The following RAB3GAP1 variants were observed in gnomAD, a reference collection of about 807,000 sequenced individuals.
The protein encoded by RAB3GAP1 is rab3 GTPase-activating protein catalytic subunit.
In RAB3GAP1, 86 loss-of-function variants were observed where a neutral mutation model predicts 130.7. The observed-to-expected ratio is 0.66, with a 90% CI of 0.55 to 0.79. The LOEUF (loss-of-function observed/expected upper bound fraction) is 0.79, where lower values mean the gene tolerates loss of function less well. Ranked by LOEUF, RAB3GAP1 falls within the 30% of genes least tolerant of loss-of-function variation. The probability of loss-of-function intolerance (pLI) is 0.00; values close to 1 mark genes in which losing one functional copy is unlikely to be tolerated. For missense variants in RAB3GAP1, 1,029 were observed against 1,169.4 expected, an observed-to-expected ratio of 0.88 and a Z score of 1.75; for synonymous variants, 367 against 401.7, an observed-to-expected ratio of 0.91 and a Z score of 1.03.
chr2:135,115,164 G>A (rs1558782925), intron 6 of RAB3GAP1, 52 bp from the exon 7 acceptor site: 27 of 1,530,290 alleles, frequency 1.8e-5, no homozygotes, highest in Non-Finnish European at 2.4e-5. Context: ...TGAGGTTCAG[G>A]TTTAATGTTT....
intron 9 of RAB3GAP1, 93 bp from the exon 10 acceptor site, chr2:135,126,088 A>T (rs949945803): frequency 1.0e-6 from 1 of 964,468 alleles, no homozygotes; most frequent in Admixed American, 1.9e-5. Flanking sequence ...CCACTGTAAC[A>T]TACTTTTATT....
chr2:135,144,842 C>A (rs760149305), intron 17 of RAB3GAP1, among the ~76,000 whole-genome samples: 1 of 152,120 alleles, frequency 6.6e-6, no homozygotes, highest in Admixed American at 6.5e-5. Context: ...GTTGTAAATG[C>A]GGTATTCTCT....
chr2:135,086,973 TTTC>T (rs1344932352), intron 3 of RAB3GAP1, among the ~76,000 whole-genome samples: 5 of 152,132 alleles, frequency 3.3e-5, no homozygotes, highest in Non-Finnish European at 7.4e-5. Flanking sequence ...ACCTAATCGT[TTTC>T]TTAACTGTGT....
At chr2:135,117,663 G>GCTTCTT (rs1553445303) in intron 7 of RAB3GAP1, among the ~76,000 whole-genome samples, 1 of 39,846 alleles carries the variant, frequency 2.5e-5, no homozygotes, top group Non-Finnish European at 8.9e-5. Context: ...TGCTTCTTCT[G>GCTTCTT]CTTCTGCTTC....
At chr2:135,071,204 C>T (rs1433520857) in intron 3 of RAB3GAP1, among the ~76,000 whole-genome samples, 1 of 152,146 alleles carries the variant, frequency 6.6e-6, no homozygotes, top group Non-Finnish European at 1.5e-5. Context: ...GGCCTTGAGG[C>T]CCAGAGCCTC....
At chr2:135,062,611 G>A (rs1016433151) in intron 3 of RAB3GAP1, among the ~76,000 whole-genome samples, 1 of 152,210 alleles carries the variant, frequency 6.6e-6, no homozygotes, top group African/African-American at 2.4e-5. Flanking sequence ...GGTTGAATTT[G>A]TAGATCACTT....
intron 3 of RAB3GAP1, among the ~76,000 whole-genome samples, chr2:135,081,432 G>GTATA (rs1346891298): frequency 7.1e-6 from 1 of 140,146 alleles, no homozygotes; most frequent in Non-Finnish European, 1.5e-5. Context: ...GTGTGTATGT[G>GTATA]TATATATATA....
rs373996708 is a variant in RAB3GAP1 at position 135,105,692 on chromosome 2, A to C, written c.363-7459A>C. 1.2e-4 allele frequency among the ~76,000 whole-genome samples: 17 copies of C among 138,736 alleles called. No homozygotes were observed. In the South Asian group the frequency reaches 1.9e-3, roughly 16 times the overall value. 91.0% of individuals were successfully genotyped at this position (138,736 alleles called of 152,430 possible). ...TGAGGAGCGTCTCTGCCTGGCCGCC[A>C]ATCGTCTGGGATGTGAGGAGCCCCT... On this transcript the variant is annotated intron_variant, in intron 5 of 23. Transcript: ENST00000264158.
intron 3 of RAB3GAP1, among the ~76,000 whole-genome samples, chr2:135,074,501 G>T (rs899514936): frequency 2.6e-5 from 4 of 152,210 alleles, no homozygotes; most frequent in South Asian, 4.1e-4. Flanking sequence ...ACTCTTACCC[G>T]ATTGGGTGGC....
intron 5 of RAB3GAP1, among the ~76,000 whole-genome samples, chr2:135,109,755 T>C (rs1464799455): frequency 6.6e-6 from 1 of 151,438 alleles, no homozygotes; most frequent in Non-Finnish European, 1.5e-5. Flanking sequence ...CTAATTTTTT[T>C]GTATTTTCAG....
chr2:135,134,360 A>G (rs1691625828), intron 15 of RAB3GAP1, among the ~76,000 whole-genome samples: 1 of 152,212 alleles, frequency 6.6e-6, no homozygotes, highest in South Asian at 2.1e-4. Flanking sequence ...GAATATTTTA[A>G]TGCATATACA....
chr2:135,147,089 T>A (rs10194099), intron 17 of RAB3GAP1, among the ~76,000 whole-genome samples: 4,343 of 152,212 alleles, frequency 0.029, 184 homozygotes, highest in African/African-American at 0.098. Flanking sequence ...CTCACGCCTG[T>A]AATCCTAGCA....
At chr2:135,165,603 A>G (rs1182996891) in intron 23 of RAB3GAP1, among the ~76,000 whole-genome samples, 1 of 152,232 alleles carries the variant, frequency 6.6e-6, no homozygotes, top group East Asian at 1.9e-4. Flanking sequence ...CAAGAGCTAA[A>G]ATCTGAGTTT....
chr2:135,080,741 T>C (rs1003547764), intron 3 of RAB3GAP1, among the ~76,000 whole-genome samples: 1 of 152,212 alleles, frequency 6.6e-6, no homozygotes, highest in Admixed American at 6.5e-5. Flanking sequence ...CTGGTTGAAT[T>C]GTGGTTCTTG....
rs375319046 is a variant in RAB3GAP1 at position 135,100,990 on chromosome 2, G to C, written c.362+7297G>C. 3.9e-5 allele frequency among the ~76,000 whole-genome samples: 6 copies of C among 152,264 alleles called. No individual in the cohort carries two copies. The East Asian group carries it at 1.2e-3, about 29-fold the overall frequency. On this transcript the variant is annotated intron_variant, in intron 5 of 23. Transcript: ENST00000264158. ...GTGAATAAGCTTAATTAATAAGTTA[G>C]GTAAAAAGATACTTGAGGCAGAATT... is the stretch of plus-strand genomic sequence containing the variant.
At chr2:135,119,515 T>C (rs943209513) in intron 7 of RAB3GAP1, among the ~76,000 whole-genome samples, 6 of 152,226 alleles carry the variant, frequency 3.9e-5, no homozygotes, top group Non-Finnish European at 8.8e-5. Flanking sequence ...CATTTGCTCC[T>C]TATTATAGGT....
At chr2:135,117,450 T>TCTTCTTCTTCTTCTTCTG (rs1553445221) in intron 7 of RAB3GAP1, among the ~76,000 whole-genome samples, 114 of 88,188 alleles carry the variant, frequency 1.3e-3, no homozygotes, top group Admixed American at 5.9e-3. Flanking sequence ...TTCTTCTTCT[T>TCTTCTTCTTCTTCTTCTG]CTTCTGCTTC....
chr2:135,117,450 TCTTCTGCTTCTG>T (rs1189047743), intron 7 of RAB3GAP1, among the ~76,000 whole-genome samples: 170 of 88,190 alleles, frequency 1.9e-3, no homozygotes, highest in African/African-American at 6.5e-3. Context: ...TTCTTCTTCT[TCTTCTGCTTCTG>T]CTTCTGCTTC....
chr2:135,101,420 C>A (rs1235943529), intron 5 of RAB3GAP1, among the ~76,000 whole-genome samples: 1 of 152,010 alleles, frequency 6.6e-6, no homozygotes, highest in Admixed American at 6.6e-5. Context: ...TTATTTATAC[C>A]ATAAATATAC....
Sources: allele counts gnomAD v4.1 joint callset (sites outside exome capture counted in the v4.1 genomes callset), GRCh38; gene constraint gnomAD v4.1.1; transcripts MANE v1.5; gene names NCBI Gene and HGNC (gene_info 2026-07-23, HGNC 2026-07-21).